Variants in RBFOX1 observed in about 807,000 individuals in gnomAD.
RBFOX1 encodes the protein RNA binding protein fox-1 homolog 1.
A neutral mutation model predicts 57.7 loss-of-function variants in RBFOX1; 8 were observed. The observed-to-expected ratio is 0.14, with a 90% CI of 0.08 to 0.25. RBFOX1 has a LOEUF of 0.25. Ranked by LOEUF, RBFOX1 falls within the 10% of genes least tolerant of loss-of-function variation. RBFOX1 has a pLI of 1.00. For missense variants in RBFOX1, 611 were observed against 548.5 expected (o/e 1.11, Z -1.14); for synonymous variants, 326 against 222.4 (o/e 1.47, Z -4.15).
chr16:5,908,095 T>C (rs1323881827), intron 4 of RBFOX1, among the ~76,000 whole-genome samples: 2 of 139,888 alleles, frequency 1.4e-5, no homozygotes, highest in African/African-American at 6.0e-5. Context: ...TACACATATA[T>C]ACACATATAT....
At chr16:7,607,230 T>C in intron 9 of RBFOX1, 55 bp from the exon 10 acceptor site, 1 of 1,469,094 alleles carries the variant, frequency 6.8e-7, no homozygotes, top group Non-Finnish European at 9.4e-7. Flanking sequence ...CATTTGCAAT[T>C]ATATAAGATG....
intron 3 of RBFOX1, among the ~76,000 whole-genome samples, chr16:5,759,356 G>T (rs893722045): frequency 6.6e-6 from 1 of 152,172 alleles, no homozygotes; most frequent in Admixed American, 6.5e-5. Context: ...TCTGATGCTT[G>T]TATTTCCTTG....
chr16:7,472,103 A>G (rs1012363315), intron 4 of RBFOX1, among the ~76,000 whole-genome samples: 1 of 152,242 alleles, frequency 6.6e-6, no homozygotes, highest in African/African-American at 2.4e-5. Flanking sequence ...GGTAGTTATC[A>G]TTAAAAAATC....
At chr16:5,750,597 C>A (rs552250329) in intron 3 of RBFOX1, among the ~76,000 whole-genome samples, 34 of 152,342 alleles carry the variant, frequency 2.2e-4, no homozygotes, top group African/African-American at 7.0e-4. Flanking sequence ...TCGCTGCCGT[C>A]TTGCAGTTCG....
At chr16:6,837,178 C>G (rs2093161793) in intron 3 of RBFOX1, among the ~76,000 whole-genome samples, 1 of 152,192 alleles carries the variant, frequency 6.6e-6, no homozygotes, top group Non-Finnish European at 1.5e-5. Context: ...GTTTAAATAA[C>G]TAAAATCAGG....
chr16:6,430,622 G>A (rs947325893), intron 2 of RBFOX1, among the ~76,000 whole-genome samples: 4 of 152,130 alleles, frequency 2.6e-5, no homozygotes, highest in African/African-American at 9.7e-5. Context: ...TGGAGAGTAA[G>A]GCCAGGTGTG....
chr16:5,573,710 G>C (rs1335836174), intron 2 of RBFOX1, among the ~76,000 whole-genome samples: 1 of 152,104 alleles, frequency 6.6e-6, no homozygotes, highest in Non-Finnish European at 1.5e-5. Flanking sequence ...ACCTATAACT[G>C]CAACACTTTG....
chr16:7,710,204 T>C lies in RBFOX1; in HGVS notation c.1072-419T>C, dbSNP rs925160461. ...GTTAAGTAAGAAGTAGGTTGAGATT[T>C]TCATCCCAATTCTGCATTCAACAAC... On this transcript the variant is annotated intron_variant, in intron 15 of 15. Coordinates refer to ENST00000550418, the MANE Select transcript of RBFOX1 (RefSeq NM_018723.4). 12 of 1,030,112 alleles carry C rather than the reference T, an allele frequency of 1.2e-5. No homozygotes were observed. The African/African-American group carries it at 1.9e-4, about 16-fold the overall frequency. 63.8% of individuals were successfully genotyped at this position (1,030,112 alleles called of 1,614,324 possible). A position where few individuals can be genotyped will look rare whatever the true frequency, so the allele number is the denominator to read the frequency against.
chr16:5,368,274 A>G (rs1260395181), intron 1 of RBFOX1, among the ~76,000 whole-genome samples: 1 of 152,176 alleles, frequency 6.6e-6, no homozygotes, highest in East Asian at 1.9e-4. Flanking sequence ...TACGCTTGCG[A>G]CTGCATTTTC....
intron 3 of RBFOX1, among the ~76,000 whole-genome samples, chr16:5,716,322 G>A (rs533187415): frequency 2.1e-4 from 32 of 152,296 alleles, no homozygotes; most frequent in African/African-American, 7.5e-4. Context: ...AAACTTATGG[G>A]AGATTGTTGT....
At chr16:7,210,315 G>C (rs2090874666) in intron 4 of RBFOX1, among the ~76,000 whole-genome samples, 1 of 152,106 alleles carries the variant, frequency 6.6e-6, no homozygotes, top group African/African-American at 2.4e-5. Context: ...AGAGTATGTT[G>C]GCAACTCTTG....
chr16:5,476,708 G>A (rs1182610940), intron 2 of RBFOX1, among the ~76,000 whole-genome samples: 3 of 152,142 alleles, frequency 2.0e-5, no homozygotes, highest in Non-Finnish European at 2.9e-5. Flanking sequence ...TTAATTTATC[G>A]CTGCACAAAC....
intron 2 of RBFOX1, among the ~76,000 whole-genome samples, chr16:6,606,963 C>T (rs2097940520): frequency 2.0e-5 from 3 of 152,216 alleles, no homozygotes; most frequent in Non-Finnish European, 2.9e-5. Context: ...AACAAATTTA[C>T]ATTCCCACTA....
chr16:5,587,733 A>G (rs1003740573), intron 2 of RBFOX1, among the ~76,000 whole-genome samples: 3 of 152,216 alleles, frequency 2.0e-5, no homozygotes, highest in African/African-American at 7.2e-5. Context: ...GATAATTTTA[A>G]GTATTGATGA....
At chr16:7,544,351 G>C (rs1044400301) in intron 5 of RBFOX1, among the ~76,000 whole-genome samples, 6 of 152,178 alleles carry the variant, frequency 3.9e-5, no homozygotes, top group African/African-American at 1.4e-4. Context: ...GAGTGAATTA[G>C]TGTCCCCCCA....
intron 3 of RBFOX1, among the ~76,000 whole-genome samples, chr16:5,836,834 A>C (rs1310688565): frequency 6.6e-6 from 1 of 152,162 alleles, no homozygotes; most frequent in Non-Finnish European, 1.5e-5. Flanking sequence ...CCAGATGAGA[A>C]TGCTTGTCCA....
intron 3 of RBFOX1, among the ~76,000 whole-genome samples, chr16:5,668,213 G>C (rs965622784): frequency 6.6e-6 from 1 of 152,048 alleles, no homozygotes; most frequent in African/African-American, 2.4e-5. Context: ...CCCGGGAGGC[G>C]GAGGTTGCAG....
chr16:7,006,206 G>C (rs1160110578), intron 3 of RBFOX1, among the ~76,000 whole-genome samples: 4 of 152,064 alleles, frequency 2.6e-5, no homozygotes, highest in Admixed American at 1.3e-4. Context: ...CCAGGCTGGA[G>C]TGCAGTGGCA....
At chr16:7,030,989 T>C (rs935434551) in intron 3 of RBFOX1, among the ~76,000 whole-genome samples, 2 of 152,176 alleles carry the variant, frequency 1.3e-5, no homozygotes, top group African/African-American at 4.8e-5. Context: ...TGGAGCAGAA[T>C]GATCCTGCAG....
Sources: allele counts gnomAD v4.1 joint callset (sites outside exome capture counted in the v4.1 genomes callset), GRCh38; gene constraint gnomAD v4.1.1; transcripts MANE v1.5; gene names NCBI Gene and HGNC (gene_info 2026-07-23, HGNC 2026-07-21).